ENAH: variants seen among roughly 807,000 people sequenced by gnomAD.
ENAH encodes ENAH actin regulator, also known as protein enabled homolog.
In ENAH, 23 loss-of-function variants were observed where a neutral mutation model predicts 78.7. The ratio of observed to expected loss-of-function variants is 0.29; its 90% CI spans 0.21 to 0.41. The LOEUF (loss-of-function observed/expected upper bound fraction) is 0.41, where lower values mean the gene tolerates loss of function less well. Ranked by LOEUF, ENAH falls within the 10% of genes least tolerant of loss-of-function variation. ENAH has a pLI of 1.00. For synonymous variants in ENAH, 226 were observed against 241.0 expected, an observed-to-expected ratio of 0.94 and a Z score of 0.58; for missense variants, 544 against 691.0, an observed-to-expected ratio of 0.79 and a Z score of 2.39.
chr1:225,549,719 C>T (rs925038895), intron 3 of ENAH, among the ~76,000 whole-genome samples: 4 of 152,182 alleles, frequency 2.6e-5, no homozygotes, highest in African/African-American at 9.7e-5. Flanking sequence ...ATTATTCCTG[C>T]CTCAGAATGG....
rs1290759054 is a variant in ENAH at position 225,653,063 on chromosome 1, C to G, written c.-373G>C. The G allele has an allele frequency of 6.3e-6, 1 of 158,364 alleles. No homozygotes were observed. Among genetic ancestry groups the G allele is most frequent in the Admixed American group, 6.5e-5 (1 of 15,352 alleles). The allele number at this position is 158,364 out of a possible 1,614,324, so 9.8% of individuals were successfully genotyped here. ...GGCCGCCGCTCCACAGGCCCGCGCT[C>G]GCCGCGCCGCCGCCGAGGCCGTGTG... is the stretch of plus-strand genomic sequence containing the variant. On this transcript the variant is annotated 5_prime_UTR_variant, in exon 1 of 14. Coordinates refer to ENST00000366843, the MANE Select transcript of ENAH (RefSeq NM_018212.6). This position sits in a 1 kb window ranked among gnomAD's most constrained non-coding sequence, Gnocchi z 4.3.
chr1:225,648,439 A>G (rs1575869450), intron 1 of ENAH, among the ~76,000 whole-genome samples: 1 of 152,230 alleles, frequency 6.6e-6, no homozygotes, highest in Admixed American at 6.5e-5. Flanking sequence ...TGGTGCCTCC[A>G]TAGTTATTTT....
intron 5 of ENAH, chr1:225,517,646 A>C: frequency 1.3e-6 from 2 of 1,550,706 alleles, no homozygotes; most frequent in Non-Finnish European, 1.7e-6. Flanking sequence ...TTGGAAGTAG[A>C]CCAGGCACAG....
intron 3 of ENAH, among the ~76,000 whole-genome samples, chr1:225,549,693 G>A (rs1237625027): frequency 6.6e-6 from 1 of 152,172 alleles, no homozygotes; most frequent in Non-Finnish European, 1.5e-5. Context: ...CACAGAAGGT[G>A]ACCAATAAAT....
intron 4 of ENAH, among the ~76,000 whole-genome samples, chr1:225,528,789 C>T (rs2096524101): frequency 6.6e-6 from 1 of 152,058 alleles, no homozygotes; most frequent in Non-Finnish European, 1.5e-5. Flanking sequence ...AAAATCTCAA[C>T]CAAACATCCT....
chr1:225,589,320 A>G (rs1575627885), intron 1 of ENAH, among the ~76,000 whole-genome samples: 1 of 152,218 alleles, frequency 6.6e-6, no homozygotes, highest in East Asian at 1.9e-4. Flanking sequence ...AAAAATATAT[A>G]TAAGCATTAT....
intron 1 of ENAH, among the ~76,000 whole-genome samples, chr1:225,639,835 ACTGAACACCAAAGATGG>A (rs1413826161): frequency 6.6e-6 from 1 of 152,102 alleles, no homozygotes; most frequent in Non-Finnish European, 1.5e-5. Flanking sequence ...TATAAAGATG[ACTGAACACCAAAGATGG>A]CAAAATGTAC....
At chr1:225,599,194 A>C (rs2096917825) in intron 1 of ENAH, among the ~76,000 whole-genome samples, 1 of 152,140 alleles carries the variant, frequency 6.6e-6, no homozygotes, top group South Asian at 2.1e-4. Flanking sequence ...TCACAAAACA[A>C]CTGGCCTGGC....
intron 3 of ENAH, among the ~76,000 whole-genome samples, chr1:225,532,391 A>C (rs1030827082): frequency 6.6e-5 from 10 of 152,236 alleles, no homozygotes; most frequent in African/African-American, 2.4e-4. Context: ...TTGAGTATTT[A>C]AGTTGAAAGC....
chr1:225,652,659 C>CCGGCCCCCGCCCCGCG, intron 1 of ENAH, 27 bp downstream of exon 1: 3 of 1,269,240 alleles, frequency 2.4e-6, no homozygotes, highest in Non-Finnish European at 3.0e-6. Flanking sequence ...AATGGCCCGC[C>CCGGCCCCCGCCCCGCG]CGGCCCCCGC....
intron 1 of ENAH, among the ~76,000 whole-genome samples, chr1:225,644,223 CTG>C (rs1661558038): frequency 6.6e-6 from 1 of 151,636 alleles, no homozygotes; most frequent in South Asian, 2.1e-4. Context: ...TGTTCAAAAT[CTG>C]TACTACTTTA....
chr1:225,648,513 T>C (rs1385681408), intron 1 of ENAH, among the ~76,000 whole-genome samples: 1 of 152,172 alleles, frequency 6.6e-6, no homozygotes, highest in Non-Finnish European at 1.5e-5. Flanking sequence ...TTTAGTGAAT[T>C]TTCTCTATTA....
intron 11 of ENAH, among the ~76,000 whole-genome samples, chr1:225,506,762 C>G (rs997247892): frequency 6.6e-6 from 1 of 152,148 alleles, no homozygotes; most frequent in African/African-American, 2.4e-5. Flanking sequence ...ACAATTGTGT[C>G]ACTACCAAAT....
intron 6 of ENAH, chr1:225,515,146 CT>C: frequency 4.7e-6 from 2 of 427,834 alleles, no homozygotes; most frequent in Non-Finnish European, 4.1e-6. Flanking sequence ...AACAGATCAT[CT>C]AATTAAGACT....
intron 10 of ENAH, among the ~76,000 whole-genome samples, chr1:225,510,437 A>T (rs1474667477): frequency 6.6e-6 from 1 of 152,176 alleles, no homozygotes; most frequent in Non-Finnish European, 1.5e-5. Flanking sequence ...TACAACATCT[A>T]TGCGGTACTA....
chr1:225,586,069 G>A (rs1474090284), intron 1 of ENAH, among the ~76,000 whole-genome samples: 1 of 151,296 alleles, frequency 6.6e-6, no homozygotes, highest in African/African-American at 2.4e-5. Context: ...TTTAAAAATT[G>A]GCCAGGCATG....
At chr1:225,568,233 T>A (rs1024631732) in intron 1 of ENAH, among the ~76,000 whole-genome samples, 2 of 152,108 alleles carry the variant, frequency 1.3e-5, no homozygotes, top group Non-Finnish European at 2.9e-5. Flanking sequence ...GATACACAAA[T>A]AAATAAAATA....
intron 1 of ENAH, among the ~76,000 whole-genome samples, chr1:225,606,320 T>C (rs1231228459): frequency 3.3e-5 from 5 of 151,856 alleles, no homozygotes; most frequent in African/African-American, 9.7e-5. Context: ...AAATTAGCCA[T>C]GCGTGGTGGC....
At chr1:225,550,311 T>A (rs2096635268) in intron 3 of ENAH, among the ~76,000 whole-genome samples, 1 of 152,224 alleles carries the variant, frequency 6.6e-6, no homozygotes, top group Admixed American at 6.5e-5. Context: ...GCAAGCTGTA[T>A]CCTAATTTTG....
Sources: gnomAD v4.1 joint callset for allele counts (sites outside exome capture counted in the v4.1 genomes callset) on GRCh38, gnomAD v4.1.1 for gene constraint, Gnocchi (gnomAD v3.1) non-coding constraint, MANE v1.5 for transcripts, NCBI Gene and HGNC (gene_info 2026-07-23, HGNC 2026-07-21) for gene names.